Variants in LRRIQ3 observed in about 807,000 individuals in gnomAD.
The protein encoded by LRRIQ3 is leucine rich repeats and IQ motif containing 3.
A neutral mutation model predicts 59.3 loss-of-function variants in LRRIQ3; 75 were observed. That is an observed-to-expected ratio of 1.26 (90% CI 1.05 to 1.53). The LOEUF is 1.53. Among genes scored for constraint, LRRIQ3 ranks in the 40% most tolerant of loss-of-function variants. The pLI is 0.00. For missense variants in LRRIQ3, 831 were observed against 710.0 expected (o/e 1.17, Z -1.94); for synonymous variants, 250 against 231.3 (o/e 1.08, Z -0.73).
At chr1:74,041,151 T>G in intron 7 of LRRIQ3, 62 bp downstream of exon 7, 1 of 1,324,694 alleles carries the variant, frequency 7.5e-7, no homozygotes, top group Non-Finnish European at 1.0e-6. Flanking sequence ...TCTTAAAATT[T>G]AGCATGCAAT....
chr1:74,147,513 CA>C (rs1647653572), intron 4 of LRRIQ3, among the ~76,000 whole-genome samples: 1 of 152,068 alleles, frequency 6.6e-6, no homozygotes, highest in Non-Finnish European at 1.5e-5. Context: ...GATTTTATGT[CA>C]AAATGCTAAT....
chr1:74,027,514 G>C (rs899186064), intron 7 of LRRIQ3, among the ~76,000 whole-genome samples: 1 of 152,074 alleles, frequency 6.6e-6, no homozygotes, highest in Non-Finnish European at 1.5e-5. Flanking sequence ...ACAAGGCAAA[G>C]GTGGCCATCT....
At chr1:74,178,824 T>C (rs890041520) in intron 3 of LRRIQ3, among the ~76,000 whole-genome samples, 2 of 152,114 alleles carry the variant, frequency 1.3e-5, no homozygotes, top group African/African-American at 4.8e-5. Flanking sequence ...TAATATAAAA[T>C]GAACGGACTT....
At chr1:74,107,220 T>A (rs1646627327) in intron 5 of LRRIQ3, among the ~76,000 whole-genome samples, 1 of 152,034 alleles carries the variant, frequency 6.6e-6, no homozygotes, top group Non-Finnish European at 1.5e-5. Context: ...CAGGAGAAGA[T>A]TCAGATACTG....
At chr1:74,114,503 G>C (rs542993401) in intron 4 of LRRIQ3, among the ~76,000 whole-genome samples, 1 of 152,002 alleles carries the variant, frequency 6.6e-6, no homozygotes, top group East Asian at 1.9e-4. Context: ...TTGGGAGGCC[G>C]AGGTGGGTAG....
chr1:74,059,625 G>A (rs922851296), intron 6 of LRRIQ3, among the ~76,000 whole-genome samples: 1 of 151,968 alleles, frequency 6.6e-6, no homozygotes, highest in African/African-American at 2.4e-5. Flanking sequence ...TTCAAATCAG[G>A]AACTGTGAGT....
chr1:74,114,734 TAAA>T (rs751700744), intron 4 of LRRIQ3, among the ~76,000 whole-genome samples: 9 of 135,592 alleles, frequency 6.6e-5, no homozygotes, highest in African/African-American at 2.2e-4. Context: ...GACTCCGTCT[TAAA>T]AAAAAAAAAA....
At chr1:74,181,614 T>A (rs1297907718) in intron 3 of LRRIQ3, 3 of 151,870 alleles carry the variant, frequency 2.0e-5, no homozygotes, top group African/African-American at 7.2e-5. Flanking sequence ...GGGCCCAGGT[T>A]AAGATATCAG....
At chr1:74,063,259 T>C (rs1440879962) in intron 6 of LRRIQ3, among the ~76,000 whole-genome samples, 1 of 152,098 alleles carries the variant, frequency 6.6e-6, no homozygotes, top group Admixed American at 6.6e-5. Flanking sequence ...AAAGAAAATG[T>C]TTTGTATCAT....
intron 6 of LRRIQ3, among the ~76,000 whole-genome samples, chr1:74,058,309 G>A (rs551967150): frequency 5.9e-5 from 9 of 152,064 alleles, no homozygotes; most frequent in Non-Finnish European, 1.2e-4. Context: ...GCCAAGAAAT[G>A]GAATAAACCT....
chr1:74,060,461 T>C (rs1654690936), intron 6 of LRRIQ3, among the ~76,000 whole-genome samples: 1 of 152,014 alleles, frequency 6.6e-6, no homozygotes, highest in African/African-American at 2.4e-5. Flanking sequence ...ATTTTTGCAT[T>C]TTTAATACAG....
chr1:74,066,403 C>G (rs1023102750), intron 6 of LRRIQ3, among the ~76,000 whole-genome samples: 1 of 151,950 alleles, frequency 6.6e-6, no homozygotes, highest in Admixed American at 6.6e-5. Flanking sequence ...CATTTCTTAT[C>G]TATTTTCTTT....
At chr1:74,034,097 C>T (rs1653799283) in intron 7 of LRRIQ3, among the ~76,000 whole-genome samples, 1 of 151,766 alleles carries the variant, frequency 6.6e-6, no homozygotes, top group Admixed American at 6.6e-5. Flanking sequence ...TTTCTCATTC[C>T]ACATAGCAGG....
At chr1:74,180,859 G>A (rs1016301060) in intron 3 of LRRIQ3, 5 of 1,460,596 alleles carry the variant, frequency 3.4e-6, no homozygotes, top group Admixed American at 2.0e-5. Context: ...ATCCACCCTA[G>A]CTAATGTAGC....
chr1:74,068,981 T>G (rs1280625951), intron 6 of LRRIQ3, among the ~76,000 whole-genome samples: 1 of 152,052 alleles, frequency 6.6e-6, no homozygotes, highest in Non-Finnish European at 1.5e-5. Flanking sequence ...GAGTATTCGT[T>G]TCAGATATAA....
At chr1:74,100,523 C>A in intron 5 of LRRIQ3, among the ~76,000 whole-genome samples, 1 of 152,110 alleles carries the variant, frequency 6.6e-6, no homozygotes, top group East Asian at 2.0e-4. Context: ...CATAAAGCTA[C>A]TAATGACTTT....
chr1:74,138,765 C>T (rs1217850843), intron 4 of LRRIQ3, among the ~76,000 whole-genome samples: 3 of 151,704 alleles, frequency 2.0e-5, no homozygotes, highest in Non-Finnish European at 4.4e-5. Flanking sequence ...TTCATAACTC[C>T]CAGGACTACA....
chr1:74,080,274 A>T (rs936716395), intron 5 of LRRIQ3, among the ~76,000 whole-genome samples: 4 of 151,686 alleles, frequency 2.6e-5, no homozygotes, highest in Admixed American at 1.3e-4. Context: ...GAGACATAGT[A>T]TATTAATAAA....
chr1:74,078,373 A>C (rs943104797), intron 5 of LRRIQ3, among the ~76,000 whole-genome samples: 3 of 151,922 alleles, frequency 2.0e-5, no homozygotes, highest in African/African-American at 7.2e-5. Flanking sequence ...AGTAAAAAAA[A>C]CAAAATCAAT....
Sources: gnomAD v4.1 joint callset for allele counts (sites outside exome capture counted in the v4.1 genomes callset) on GRCh38, gnomAD v4.1.1 for gene constraint, MANE v1.5 for transcripts, NCBI Gene and HGNC (gene_info 2026-07-23, HGNC 2026-07-21) for gene names.